Variants in SLC6A13 observed in about 807,000 individuals in gnomAD.
SLC6A13 encodes the protein solute carrier family 6 member 13, also known as sodium- and chloride-dependent GABA transporter 2.
A neutral mutation model predicts 72.9 loss-of-function variants in SLC6A13; 69 were observed. The observed-to-expected ratio is 0.95, with a 90% CI of 0.78 to 1.16. The LOEUF (loss-of-function observed/expected upper bound fraction) is 1.16, where lower values mean the gene tolerates loss of function less well. Among genes scored for constraint, SLC6A13 ranks in the 50% most tolerant of loss-of-function variants. The pLI is 0.00. For missense variants in SLC6A13, 735 were observed against 760.5 expected, an observed-to-expected ratio of 0.97 and a Z score of 0.39; for synonymous variants, 303 against 303.0, an observed-to-expected ratio of 1.00 and a Z score of 0.00.
rs1279577933 is a variant in SLC6A13 at position 254,380 on chromosome 12, C to T, written c.202+5471G>A. Among the ~76,000 whole-genome samples the T allele has an allele frequency of 6.6e-6, 1 of 152,182 alleles. No homozygotes were observed. The highest frequency in any genetic ancestry group is 6.5e-5 in the Admixed American group (1 of 15,274). ...TTTCCAATTCCTTTCTCCCATCTCC[C>T]CCATTATCTTAAATCCATTTCAATC... On this transcript the variant is annotated intron_variant, in intron 2 of 14. Transcript: ENST00000343164. The surrounding 1 kb of genome is among the most constrained non-coding windows in gnomAD (Gnocchi z 4.4).
At position 254,917 on chromosome 12, in the gene SLC6A13, C is replaced by T. The variant is rs512147; in HGVS notation, c.202+4934G>A. On this transcript the variant is annotated intron_variant, in intron 2 of 14. Coordinates refer to ENST00000343164, the MANE Select transcript of SLC6A13 (RefSeq NM_016615.5). This position sits in a 1 kb window ranked among gnomAD's most constrained non-coding sequence, Gnocchi z 4.4. Reference sequence around the variant, plus strand: ...ATCCCAGCACTTTGGGAGGCCGAGGCAGGCAGATCACTTGAGACCAGGAGT... The same window carrying T: ...ATCCCAGCACTTTGGGAGGCCGAGGTAGGCAGATCACTTGAGACCAGGAGT... 0.7 allele frequency among the ~76,000 whole-genome samples: 106,107 copies of T among 152,032 alleles called. 37,134 individuals are homozygous for T. Among genetic ancestry groups the T allele is most frequent in the African/African-American group, 0.73 (30,104 of 41,468 alleles).
At chr12:239,703 A>G (rs779645274) in intron 4 of SLC6A13, among the ~76,000 whole-genome samples, 1 of 152,120 alleles carries the variant, frequency 6.6e-6, no homozygotes, top group Non-Finnish European at 1.5e-5. Flanking sequence ...GTTTATTACC[A>G]TATTTCTGGT....
chr12:238,864 CGGCTCCTACCT>C (rs141522933), intron 4 of SLC6A13, among the ~76,000 whole-genome samples: 10,206 of 152,168 alleles, frequency 0.067, 474 homozygotes, highest in Non-Finnish European at 0.096. Context: ...CATCAGCTCC[CGGCTCCTACCT>C]GGCCTTCGGT....
At chr12:250,745 A>T (rs1942502563) in intron 2 of SLC6A13, among the ~76,000 whole-genome samples, 1 of 151,030 alleles carries the variant, frequency 6.6e-6, no homozygotes, top group African/African-American at 2.4e-5. Flanking sequence ...ATACAATCCT[A>T]ATCAAAAGCA....
At position 238,052 on chromosome 12, in the gene SLC6A13, C is replaced by T. The variant is rs1393376422; in HGVS notation, c.479-42G>A. On this transcript the variant is annotated intron_variant, in intron 4 of 14. Transcript: ENST00000343164. ...AGGAGGGAAAAAAGAGAAAAATCAT[C>T]AGCCAGCCTATGACACAACTGGAGA... is the stretch of plus-strand genomic sequence containing the variant. 4.4e-6 allele frequency: 7 copies of T among 1,596,390 alleles called. No homozygotes were observed. The Admixed American group carries it at 8.3e-5, about 19-fold the overall frequency.
chr12:221,345 C>T, intron 14 of SLC6A13, 31 bp downstream of exon 14: 1 of 1,553,190 alleles, frequency 6.4e-7, no homozygotes, highest in Non-Finnish European at 8.7e-7. Context: ...CCCAGCCCCT[C>T]TGGCTGCTTT....
intron 2 of SLC6A13, among the ~76,000 whole-genome samples, chr12:247,883 T>G (rs1404768091): frequency 6.6e-6 from 1 of 152,142 alleles, no homozygotes; most frequent in Non-Finnish European, 1.5e-5. Flanking sequence ...ACATTATCAC[T>G]TGAAGATAAA....
intron 4 of SLC6A13, among the ~76,000 whole-genome samples, chr12:239,731 G>C (rs1401427038): frequency 6.6e-6 from 1 of 152,120 alleles, no homozygotes; most frequent in Non-Finnish European, 1.5e-5. Context: ...ACAGAGCCTG[G>C]CATATAGCAG....
chr12:227,445 G>A (rs1941507273), intron 8 of SLC6A13, 120 bp downstream of exon 8: 2 of 1,519,006 alleles, frequency 1.3e-6, no homozygotes, highest in African/African-American at 2.8e-5. Context: ...GGATATGGGG[G>A]TGTAGACAGG....
At chr12:258,106 G>A (rs1388881877) in intron 2 of SLC6A13, among the ~76,000 whole-genome samples, 1 of 152,182 alleles carries the variant, frequency 6.6e-6, no homozygotes, top group African/African-American at 2.4e-5. Context: ...TTCGGCACTA[G>A]GTAAAAAGTG....
intron 2 of SLC6A13, among the ~76,000 whole-genome samples, chr12:244,461 G>A (rs895897557): frequency 2.0e-5 from 3 of 152,224 alleles, no homozygotes; most frequent in African/African-American, 4.8e-5. Context: ...GGCTGAGGTG[G>A]GAGGATCGCT....
At chr12:247,248 A>T (rs982956639) in intron 2 of SLC6A13, among the ~76,000 whole-genome samples, 1 of 152,038 alleles carries the variant, frequency 6.6e-6, no homozygotes, top group Non-Finnish European at 1.5e-5. Context: ...GATTAAAAAA[A>T]AAATGAAAAA....
At position 226,454 on chromosome 12, in the gene SLC6A13, G is replaced by T; in HGVS notation, c.996C>A (p.Ile332=). The change falls in exon 9 of 15, where the codon ATC becomes ATA. Residue 332 remains isoleucine, a synonymous_variant. Coordinates refer to ENST00000343164, the MANE Select transcript of SLC6A13 (RefSeq NM_016615.5). Reference sequence around the variant, plus strand: ...GAGACATGAAGCCCAGGATGGAGAAGATGGCAAAGCCGGCCACAAAGCTGG... The same window carrying T: ...GAGACATGAAGCCCAGGATGGAGAATATGGCAAAGCCGGCCACAAAGCTGG... ...SGTSFVAGFA[I]FSILGFMSQE... 2 of 1,614,148 alleles carry T rather than the reference G, an allele frequency of 1.2e-6. No homozygotes were observed. The highest frequency in any genetic ancestry group is 1.7e-6 in the Non-Finnish European group (2 of 1,179,986).
intron 4 of SLC6A13, among the ~76,000 whole-genome samples, chr12:239,676 G>T (rs1942093988): frequency 6.6e-6 from 1 of 152,196 alleles, no homozygotes; most frequent in Non-Finnish European, 1.5e-5. Context: ...CCCCAGGAGG[G>T]TGGGGTCTTT....
intron 6 of SLC6A13, among the ~76,000 whole-genome samples, chr12:235,694 C>T (rs1941905923): frequency 6.6e-6 from 1 of 152,098 alleles, no homozygotes; most frequent in African/African-American, 2.4e-5. Flanking sequence ...GGAAGACAAC[C>T]ATAAGGTCTG....
intron 2 of SLC6A13, among the ~76,000 whole-genome samples, chr12:252,033 T>C (rs1942572825): frequency 6.6e-6 from 1 of 152,142 alleles, no homozygotes; most frequent in South Asian, 2.1e-4. Flanking sequence ...ATTTGTAAAA[T>C]GCATTTCTGA....
intron 2 of SLC6A13, among the ~76,000 whole-genome samples, chr12:244,443 C>T (rs901783023): frequency 6.6e-6 from 1 of 152,172 alleles, no homozygotes; most frequent in Non-Finnish European, 1.5e-5. Context: ...AATCCCAGCA[C>T]TTTGGGAGGC....
intron 2 of SLC6A13, chr12:256,663 T>C (rs1942756191): frequency 6.6e-6 from 1 of 152,200 alleles, no homozygotes; most frequent in African/African-American, 2.4e-5. Context: ...AAAGAAGATG[T>C]CACTTACATT....
At position 237,930 on chromosome 12, in the gene SLC6A13, A is replaced by C. The variant is rs1313942235; in HGVS notation, c.559T>G (p.Trp187Gly). The C allele has an allele frequency of 3.1e-6, 5 of 1,613,172 alleles. No individual in the cohort carries two copies. In the Admixed American group the frequency reaches 8.3e-5, roughly 27 times the overall value. Reference sequence around the variant, plus strand: ...GTGGGGAAGGGTCTCACTTACTCCCAGAACTCGATGACAGGAGAGGTGGCA... The same window carrying C: ...GTGGGGAAGGGTCTCACTTACTCCCCGAACTCGATGACAGGAGAGGTGGCA... ...ENATSPVIEF[W>G]ERRVLKISDG... Residue 187 changes from tryptophan (W) to glycine (G), a missense_variant, in exon 5 of 15, where the codon TGG becomes GGG. By Grantham distance (184) the Trp-to-Gly change is radical. Transcript: ENST00000343164.
Sources: allele counts gnomAD v4.1 joint callset (sites outside exome capture counted in the v4.1 genomes callset), GRCh38; gene constraint gnomAD v4.1.1; non-coding constraint Gnocchi (gnomAD v3.1); transcripts MANE v1.5; gene names NCBI Gene and HGNC (gene_info 2026-07-23, HGNC 2026-07-21).